Variants in IQCE observed in about 807,000 individuals in gnomAD.
The protein encoded by IQCE is IQ domain-containing protein E.
In IQCE, 115 loss-of-function variants were observed where a neutral mutation model predicts 96.0. The observed-to-expected ratio is 1.20, with a 90% confidence interval of 1.03 to 1.40. The LOEUF is 1.40. Among genes scored for constraint, IQCE ranks in the 40% most tolerant of loss-of-function variants. The pLI is 0.00. For synonymous variants in IQCE, 412 were observed against 371.2 expected, an observed-to-expected ratio of 1.11 and a Z score of -1.26; for missense variants, 1,041 against 909.1, an observed-to-expected ratio of 1.15 and a Z score of -1.87.
intron 6 of IQCE, among the ~76,000 whole-genome samples, chr7:2,577,084 G>A (rs968070105): frequency 7.9e-5 from 12 of 152,122 alleles, no homozygotes; most frequent in Admixed American, 7.9e-4. Flanking sequence ...CGTGCCCTCC[G>A]GTGCCCTCAC....
intron 1 of IQCE, among the ~76,000 whole-genome samples, chr7:2,565,880 C>G (rs760436359): frequency 2.0e-5 from 3 of 152,182 alleles, no homozygotes; most frequent in Admixed American, 6.5e-5. Context: ...CTTTGCCCCT[C>G]GAAATGCAGT....
At chr7:2,576,072 C>T (rs1415523134) in intron 6 of IQCE, among the ~76,000 whole-genome samples, 2 of 152,348 alleles carry the variant, frequency 1.3e-5, no homozygotes, top group African/African-American at 4.8e-5. Context: ...TATCATGCCT[C>T]CTGAATCTGT....
intron 13 of IQCE, 104 bp from the exon 14 acceptor site, chr7:2,589,803 G>C (rs1783436748): frequency 8.9e-7 from 1 of 1,124,660 alleles, no homozygotes; most frequent in African/African-American, 1.5e-5. Flanking sequence ...TCATGGCCCT[G>C]CTGGAGACTC....
At chr7:2,570,863 T>G (rs1430465078) in intron 3 of IQCE, among the ~76,000 whole-genome samples, 1 of 152,182 alleles carries the variant, frequency 6.6e-6, no homozygotes, top group African/African-American at 2.4e-5. Context: ...CACTATGTAG[T>G]GACATTAAAA....
chr7:2,603,449 G>T (rs927886979), intron 18 of IQCE, among the ~76,000 whole-genome samples: 5 of 151,000 alleles, frequency 3.3e-5, no homozygotes, highest in Non-Finnish European at 7.4e-5. Flanking sequence ...CCAGTCAGTG[G>T]TGGGTGCCGT....
intron 15 of IQCE, among the ~76,000 whole-genome samples, chr7:2,593,920 G>A (rs1000106569): frequency 6.6e-6 from 1 of 152,222 alleles, no homozygotes; most frequent in African/African-American, 2.4e-5. Context: ...AATCTGAGCA[G>A]ACATATTTAG....
At chr7:2,595,035 G>A in intron 16 of IQCE, 59 bp downstream of exon 16, 1 of 1,188,924 alleles carries the variant, frequency 8.4e-7, no homozygotes, top group Non-Finnish European at 1.3e-6. Context: ...GGTCGTGACG[G>A]TTCTGACCGT....
intron 18 of IQCE, 38 bp downstream of exon 18, chr7:2,601,502 T>C (rs1469622393): frequency 6.8e-7 from 1 of 1,478,694 alleles, no homozygotes; most frequent in Non-Finnish European, 9.4e-7. Context: ...AATTCGGATT[T>C]GTATTTTGTT....
At position 2,604,850 on chromosome 7, in the gene IQCE, A is replaced by G. The variant is rs751015970; in HGVS notation, c.1633-31A>G. On this transcript the variant is annotated intron_variant, in intron 18 of 21. Transcript: ENST00000402050. ...GCCGTTGCCCCGGGCACTCACACCC[A>G]CTTTTCTCTCCCTGCTTCCTTCCCT... The G allele has an allele frequency of 2.9e-5, 45 of 1,576,300 alleles. 1 individual carries two copies. Among genetic ancestry groups the G allele is most frequent in the African/African-American group, 2.4e-4 (18 of 73,964 alleles).
intron 15 of IQCE, among the ~76,000 whole-genome samples, chr7:2,593,713 GGGGCT>G (rs1162268725): frequency 6.6e-6 from 1 of 152,246 alleles, no homozygotes; most frequent in Non-Finnish European, 1.5e-5. Flanking sequence ...GCTGCTGCTA[GGGGCT>G]GGGAGGGGAG....
At position 2,601,726 on chromosome 7, in the gene IQCE, T is replaced by C. The variant is rs144124782; in HGVS notation, c.1632+262T>C. On this transcript the variant is annotated intron_variant, in intron 18 of 21. Coordinates refer to ENST00000402050, the MANE Select transcript of IQCE (RefSeq NM_152558.5). ...CACTGTGCCCAGCTAATTTTTGTATTTTTAGGAGAGACGGGGTTTCTCCGT... is the reference window on the plus strand; with the variant it reads ...CACTGTGCCCAGCTAATTTTTGTATCTTTAGGAGAGACGGGGTTTCTCCGT... 3.6e-3 allele frequency: 1,502 copies of C among 411,536 alleles called. 20 individuals carry two copies. Among genetic ancestry groups the C allele is most frequent in the African/African-American group, 0.029 (1,379 of 47,522 alleles). The allele number at this position is 411,536 out of a possible 1,614,324, so 25.5% of individuals were successfully genotyped here.
rs959640209 is a variant in IQCE, at chr7:2,612,984, T to C, written c.*2822T>C. 2.0e-5 allele frequency: 3 copies of C among 152,200 alleles called. No individual in the cohort carries two copies. The highest frequency in any genetic ancestry group is 7.2e-5 in the African/African-American group (3 of 41,430). 9.4% of individuals were successfully genotyped at this position (152,200 alleles called of 1,614,324 possible). A position where few individuals can be genotyped will look rare whatever the true frequency, so the allele number is the denominator to read the frequency against. ...CCCATCTACCACTTCAGGGTCGACGTTGGTGGCAGGTGTTGTTCACGGTGT... is the reference window on the plus strand; with the variant it reads ...CCCATCTACCACTTCAGGGTCGACGCTGGTGGCAGGTGTTGTTCACGGTGT... On this transcript the variant is annotated 3_prime_UTR_variant, in exon 22 of 22. Transcript: ENST00000402050.
intron 1 of IQCE, among the ~76,000 whole-genome samples, chr7:2,561,595 G>A (rs1341887112): frequency 2.0e-5 from 3 of 151,698 alleles, no homozygotes; most frequent in African/African-American, 7.3e-5. Flanking sequence ...TAATTTTTTT[G>A]TATTTTTGGT....
At chr7:2,593,976 C>T (rs1446098595) in intron 15 of IQCE, among the ~76,000 whole-genome samples, 1 of 152,184 alleles carries the variant, frequency 6.6e-6, no homozygotes, top group Non-Finnish European at 1.5e-5. Context: ...ATGAAGAAAA[C>T]TGTGGCCGGG....
intron 14 of IQCE, 40 bp from the exon 15 acceptor site, chr7:2,592,982 T>A (rs371186003): frequency 2.2e-5 from 35 of 1,560,702 alleles, no homozygotes; most frequent in Non-Finnish European, 3.1e-5. Context: ...TAACCTACAG[T>A]TTTTGTGAAC....
rs980338998 is a variant in IQCE, at chr7:2,598,537, G to T, written c.1513G>T (p.Glu505Ter). The T allele has an allele frequency of 6.2e-7, 1 of 1,611,144 alleles. No homozygotes were observed. The highest frequency in any genetic ancestry group is 1.3e-5 in the African/African-American group (1 of 74,860). ...AGACTGGCCGCCGGATTCCAGCGAG[G>T]AGGGGCTCCCGCGGCCCCGCTCCCC... ...EQDWPPDSSE[E>*]GLPRPRSPCS... is the part of the protein sequence containing the mutation. The change falls in exon 17 of 22, where the codon GAG becomes TAG. Residue 505 changes from glutamate to a stop codon, truncating the protein, a stop_gained. Transcript: ENST00000402050. LOFTEE classifies it high-confidence loss of function.
At chr7:2,565,370 C>G (rs1781298390) in intron 1 of IQCE, among the ~76,000 whole-genome samples, 1 of 152,064 alleles carries the variant, frequency 6.6e-6, no homozygotes. Context: ...TGCACTATGA[C>G]CGGCAGGCTG....
intron 17 of IQCE, among the ~76,000 whole-genome samples, chr7:2,601,187 G>A (rs2005394): frequency 0.48 from 72,711 of 152,030 alleles, 17,665 homozygotes; most frequent in African/African-American, 0.55. Flanking sequence ...GCACAGAGAC[G>A]TCCCTTCATC....
rs546809382 is a variant in IQCE, at chr7:2,572,248, G to A, written c.316G>A (p.Val106Ile). ...CACCTGGGAGCATGCGTGGACTGGC[G>A]TCCCCGGCGGCACTCCTGACTGTCT... The part of the protein sequence containing the change: ...PLTWEHAWTG[V>I]PGGTPDCLTD... Residue 106 changes from valine to isoleucine, a missense_variant, in exon 5 of 22, where the codon GTC becomes ATC. Coordinates refer to ENST00000402050, the MANE Select transcript of IQCE (RefSeq NM_152558.5). 3.8e-5 allele frequency: 62 copies of A among 1,614,140 alleles called. No individual in the cohort carries two copies. In the Middle Eastern group the frequency reaches 8.2e-4, roughly 21 times the overall value.
Sources: allele counts gnomAD v4.1 joint callset (sites outside exome capture counted in the v4.1 genomes callset), GRCh38; gene constraint gnomAD v4.1.1; transcripts MANE v1.5; gene names NCBI Gene and HGNC (gene_info 2026-07-23, HGNC 2026-07-21).